NKAIN2: variants seen among roughly 807,000 people sequenced by gnomAD.
NKAIN2 encodes sodium/potassium transporting ATPase interacting 2.
Under a neutral mutation model 32.6 loss-of-function variants are expected in NKAIN2, and 14 were observed. The ratio of observed to expected loss-of-function variants is 0.43; its 90% CI spans 0.28 to 0.67. NKAIN2 has a LOEUF of 0.67. Among genes scored for constraint, NKAIN2 ranks in the 30% least tolerant of loss-of-function variants. The pLI is 0.17. For missense variants in NKAIN2, 198 were observed against 258.3 expected (o/e 0.77, Z 1.60); for synonymous variants, 80 against 87.2 (o/e 0.92, Z 0.46).
intron 3 of NKAIN2, among the ~76,000 whole-genome samples, chr6:124,538,716 A>G (rs559637200): frequency 6.6e-6 from 1 of 152,268 alleles, no homozygotes; most frequent in African/African-American, 2.4e-5. Context: ...TCTGACTTTT[A>G]GTATAACTTT....
intron 3 of NKAIN2, among the ~76,000 whole-genome samples, chr6:124,368,876 T>C (rs1799630220): frequency 6.6e-6 from 1 of 152,182 alleles, no homozygotes; most frequent in Admixed American, 6.6e-5. Flanking sequence ...CCTTTTATTC[T>C]CTCATAGATC....
At chr6:124,655,668 C>T (rs1784514769) in intron 3 of NKAIN2, among the ~76,000 whole-genome samples, 2 of 152,254 alleles carry the variant, frequency 1.3e-5, no homozygotes, top group South Asian at 4.2e-4. Flanking sequence ...TAACAGCTCA[C>T]AAGCATGTTT....
chr6:124,409,991 A>G (rs1450751619), intron 3 of NKAIN2, among the ~76,000 whole-genome samples: 4 of 152,124 alleles, frequency 2.6e-5, no homozygotes, highest in Non-Finnish European at 4.4e-5. Context: ...AGAGGTGTTT[A>G]TAGTATTCTC....
chr6:124,229,174 C>G (rs962773749), intron 1 of NKAIN2, among the ~76,000 whole-genome samples: 2 of 151,936 alleles, frequency 1.3e-5, no homozygotes, highest in Admixed American at 1.3e-4. Context: ...TTTGATAGGC[C>G]AATAAGATGG....
chr6:124,668,550 T>C (rs760630188), intron 4 of NKAIN2, among the ~76,000 whole-genome samples: 6 of 152,194 alleles, frequency 3.9e-5, no homozygotes, highest in Non-Finnish European at 8.8e-5. Flanking sequence ...CAGGTTCTAT[T>C]TTATTTTTTA....
chr6:124,413,672 G>A (rs1487339847), intron 3 of NKAIN2, among the ~76,000 whole-genome samples: 1 of 152,068 alleles, frequency 6.6e-6, no homozygotes, highest in Non-Finnish European at 1.5e-5. Flanking sequence ...AAGTGTTCTG[G>A]ACTATAAAGG....
At chr6:124,670,491 T>A (rs1773044223) in intron 4 of NKAIN2, among the ~76,000 whole-genome samples, 1 of 152,124 alleles carries the variant, frequency 6.6e-6, no homozygotes, top group Non-Finnish European at 1.5e-5. Context: ...ATTATTGTGA[T>A]GTGTTCAACA....
intron 3 of NKAIN2, among the ~76,000 whole-genome samples, chr6:124,558,667 G>C (rs1218659385): frequency 6.6e-6 from 1 of 152,188 alleles, no homozygotes; most frequent in East Asian, 1.9e-4. Flanking sequence ...CCAGACCTCA[G>C]CTGGATGTGG....
chr6:124,724,537 A>G (rs1207433349), intron 4 of NKAIN2, among the ~76,000 whole-genome samples: 1 of 152,208 alleles, frequency 6.6e-6, no homozygotes, highest in Non-Finnish European at 1.5e-5. Flanking sequence ...CTGCAGTACA[A>G]TTCACACAGG....
intron 2 of NKAIN2, among the ~76,000 whole-genome samples, chr6:124,339,916 C>A (rs937623065): frequency 2.0e-5 from 3 of 151,938 alleles, no homozygotes; most frequent in Non-Finnish European, 2.9e-5. Flanking sequence ...TTTACATGAC[C>A]CTAATTTTTT....
chr6:124,613,802 A>G (rs947953347), intron 3 of NKAIN2, among the ~76,000 whole-genome samples: 6 of 152,212 alleles, frequency 3.9e-5, no homozygotes, highest in Non-Finnish European at 8.8e-5. Context: ...TGCAAGATTC[A>G]GAAAGGCAAA....
rs577671729 is a variant in NKAIN2 at position 124,455,845 on chromosome 6, G to A, written c.273+100498G>A. Among the ~76,000 whole-genome samples, 3 of 151,960 alleles carry A rather than the reference G, an allele frequency of 2.0e-5. No homozygotes were observed. The South Asian group carries it at 6.2e-4, about 32-fold the overall frequency. On this transcript the variant is annotated intron_variant, in intron 3 of 6. Transcript: ENST00000368417. ...TGCACATATATCTAATGTAACAGGT[G>A]TCCCTTCAGCCTGATTGGTCCCATG...
intron 2 of NKAIN2, among the ~76,000 whole-genome samples, chr6:124,308,418 A>G (rs948324016): frequency 3.9e-5 from 6 of 152,204 alleles, no homozygotes; most frequent in Non-Finnish European, 7.4e-5. Context: ...TATTTATTTT[A>G]TCTGCTAAAG....
chr6:124,424,907 C>T (rs926499812), intron 3 of NKAIN2, among the ~76,000 whole-genome samples: 6 of 152,076 alleles, frequency 3.9e-5, no homozygotes, highest in African/African-American at 1.2e-4. Context: ...GGTTTCTTTT[C>T]CTTTGAATAT....
intron 4 of NKAIN2, among the ~76,000 whole-genome samples, chr6:124,686,956 T>C (rs1488456520): frequency 3.3e-5 from 5 of 151,884 alleles, no homozygotes; most frequent in Non-Finnish European, 5.9e-5. Flanking sequence ...AAAGGTGAGA[T>C]AGGCCTAGGC....
intron 1 of NKAIN2, among the ~76,000 whole-genome samples, chr6:124,045,166 A>G (rs577203115): frequency 2.5e-4 from 38 of 152,010 alleles, no homozygotes; most frequent in African/African-American, 8.7e-4. Context: ...GCTAAAATAT[A>G]TATCAATATA....
At chr6:124,154,612 A>G (rs1023812310) in intron 1 of NKAIN2, among the ~76,000 whole-genome samples, 1 of 151,992 alleles carries the variant, frequency 6.6e-6, no homozygotes, top group Non-Finnish European at 1.5e-5. Flanking sequence ...TGAAAATCGT[A>G]TATATTTAAA....
At chr6:124,364,780 A>T (rs1289979279) in intron 3 of NKAIN2, among the ~76,000 whole-genome samples, 3 of 152,014 alleles carry the variant, frequency 2.0e-5, no homozygotes, top group Non-Finnish European at 4.4e-5. Context: ...AGAGAGAAAA[A>T]GGGAATTTTA....
At chr6:124,753,664 G>A (rs1777829587) in intron 4 of NKAIN2, among the ~76,000 whole-genome samples, 1 of 152,078 alleles carries the variant, frequency 6.6e-6, no homozygotes, top group African/African-American at 2.4e-5. Context: ...CCTGAATTCA[G>A]AATAAAGGAA....
Sources: allele counts gnomAD v4.1 joint callset (sites outside exome capture counted in the v4.1 genomes callset), GRCh38; gene constraint gnomAD v4.1.1; transcripts MANE v1.5; gene names NCBI Gene and HGNC (gene_info 2026-07-23, HGNC 2026-07-21).